The following ADAMTS6 variants were observed in gnomAD, a reference collection of about 807,000 sequenced individuals.
ADAMTS6 encodes the protein A disintegrin and metalloproteinase with thrombospondin motifs 6.
A neutral mutation model predicts 144.3 loss-of-function variants in ADAMTS6; 23 were observed. The observed-to-expected ratio is 0.16, with a 90% confidence interval of 0.11 to 0.23. ADAMTS6 has a LOEUF of 0.23. Ranked by LOEUF, ADAMTS6 falls within the 10% of genes least tolerant of loss-of-function variation. The probability of loss-of-function intolerance (pLI) is 1.00; values close to 1 mark genes in which losing one functional copy is unlikely to be tolerated. For missense variants in ADAMTS6, 999 were observed against 1,379.6 expected (o/e 0.72, Z 4.37); for synonymous variants, 444 against 457.5 (o/e 0.97, Z 0.38).
At chr5:65,160,110 T>C (rs1012678065) in intron 24 of ADAMTS6, among the ~76,000 whole-genome samples, 1 of 152,184 alleles carries the variant, frequency 6.6e-6, no homozygotes, top group Non-Finnish European at 1.5e-5. Context: ...ATTTAATTCA[T>C]AGAGATTCAA....
intron 8 of ADAMTS6, 41 bp downstream of exon 8, chr5:65,333,997 TAAAA>T (rs750637450): frequency 7.3e-3 from 6,113 of 835,166 alleles, no homozygotes; most frequent in East Asian, 0.018. Context: ...CTACCTTTAT[TAAAA>T]AAAAAAAAAA....
chr5:65,437,189 G>A (rs1190172808), intron 7 of ADAMTS6, among the ~76,000 whole-genome samples: 1 of 151,556 alleles, frequency 6.6e-6, no homozygotes, highest in Admixed American at 6.6e-5. Context: ...CCACCTCCCA[G>A]GTTCAAGCCA....
intron 21 of ADAMTS6, among the ~76,000 whole-genome samples, chr5:65,188,847 G>C (rs926761552): frequency 3.3e-5 from 5 of 152,148 alleles, no homozygotes; most frequent in African/African-American, 1.2e-4. Flanking sequence ...TCACATTGAG[G>C]CAGGTTCTCC....
intron 7 of ADAMTS6, among the ~76,000 whole-genome samples, chr5:65,410,415 T>C (rs559341287): frequency 6.6e-6 from 1 of 152,294 alleles, no homozygotes; most frequent in African/African-American, 2.4e-5. Context: ...AAGTAAAAAT[T>C]ATATATATTT....
chr5:65,279,681 T>A (rs1762839823), intron 11 of ADAMTS6, among the ~76,000 whole-genome samples: 1 of 152,188 alleles, frequency 6.6e-6, no homozygotes, highest in African/African-American at 2.4e-5. Flanking sequence ...GATTTCTATG[T>A]CTTTCTTTGA....
chr5:65,303,469 G>A (rs1217582253), intron 9 of ADAMTS6, among the ~76,000 whole-genome samples: 1 of 151,926 alleles, frequency 6.6e-6, no homozygotes, highest in Non-Finnish European at 1.5e-5. Flanking sequence ...ATCAAAATTT[G>A]TAATATGTAT....
intron 7 of ADAMTS6, among the ~76,000 whole-genome samples, chr5:65,421,787 T>G (rs7722891): frequency 0.18 from 26,811 of 152,086 alleles, 3,108 homozygotes; most frequent in African/African-American, 0.33. Flanking sequence ...GATCCATATC[T>G]CTCACTACAT....
intron 7 of ADAMTS6, among the ~76,000 whole-genome samples, chr5:65,348,090 T>C (rs1488351690): frequency 1.3e-5 from 2 of 152,008 alleles, no homozygotes; most frequent in Non-Finnish European, 2.9e-5. Context: ...TAAATTAGTA[T>C]TATGGAAAAC....
At chr5:65,346,775 A>G (rs962294290) in intron 7 of ADAMTS6, among the ~76,000 whole-genome samples, 1 of 151,896 alleles carries the variant, frequency 6.6e-6, no homozygotes, top group African/African-American at 2.4e-5. Flanking sequence ...TGTTGGAACT[A>G]ATACATAAAT....
intron 7 of ADAMTS6, among the ~76,000 whole-genome samples, chr5:65,408,942 T>C (rs1183493721): frequency 1.3e-5 from 2 of 152,172 alleles, no homozygotes; most frequent in East Asian, 1.9e-4. Flanking sequence ...AGATGTTCTT[T>C]GAAACCAATG....
intron 13 of ADAMTS6, among the ~76,000 whole-genome samples, chr5:65,262,021 C>T (rs1049884778): frequency 6.6e-6 from 1 of 152,020 alleles, no homozygotes; most frequent in Non-Finnish European, 1.5e-5. Flanking sequence ...GGTCCTCAAC[C>T]AGCGTTCTAG....
At chr5:65,477,561 G>GA (rs945994304) in intron 1 of ADAMTS6, among the ~76,000 whole-genome samples, 1 of 151,612 alleles carries the variant, frequency 6.6e-6, no homozygotes, top group Non-Finnish European at 1.5e-5. Context: ...GTAGCATTGA[G>GA]AAAAAAAAGT....
intron 20 of ADAMTS6, among the ~76,000 whole-genome samples, chr5:65,212,402 C>T (rs1195564398): frequency 6.7e-6 from 1 of 148,668 alleles, no homozygotes; most frequent in Non-Finnish European, 1.5e-5. Flanking sequence ...AAAGCTCTCC[C>T]TTCCAGAGGC....
At chr5:65,442,827 C>T (rs1194584168) in intron 7 of ADAMTS6, among the ~76,000 whole-genome samples, 2 of 152,144 alleles carry the variant, frequency 1.3e-5, no homozygotes, top group Non-Finnish European at 2.9e-5. Flanking sequence ...TGCTCTCCCT[C>T]CCCTTCCCCT....
intron 24 of ADAMTS6, among the ~76,000 whole-genome samples, chr5:65,153,968 G>A (rs1485158248): frequency 6.6e-6 from 1 of 152,172 alleles, no homozygotes; most frequent in Admixed American, 6.5e-5. Context: ...AGCACTTTGG[G>A]AGGCTGAGGT....
intron 7 of ADAMTS6, among the ~76,000 whole-genome samples, chr5:65,392,200 T>G (rs1304388890): frequency 6.6e-6 from 1 of 152,118 alleles, no homozygotes; most frequent in African/African-American, 2.4e-5. Context: ...TTGTATAAAC[T>G]TTTATCACCT....
At position 65,433,492 on chromosome 5, in the gene ADAMTS6, T is replaced by C. The variant is rs180891648; in HGVS notation, c.1073+17983A>G. 1.2e-3 allele frequency among the ~76,000 whole-genome samples: 177 copies of C among 152,318 alleles called. 1 individual carries two copies. The highest frequency in any genetic ancestry group is 4.0e-3 in the African/African-American group (168 of 41,568). On this transcript the variant is annotated intron_variant, in intron 7 of 24. Coordinates refer to ENST00000381055, the MANE Select transcript of ADAMTS6 (RefSeq NM_197941.4). ...TGAATAAATACTTGAATAATTAATA[T>C]AGTCCGAGTGACTACTTGGTTTTTC...
chr5:65,362,015 G>A (rs576188776), intron 7 of ADAMTS6, among the ~76,000 whole-genome samples: 3 of 152,264 alleles, frequency 2.0e-5, no homozygotes, highest in South Asian at 2.1e-4. Context: ...GATTACAGGC[G>A]AGAGCCACTG....
intron 24 of ADAMTS6, among the ~76,000 whole-genome samples, chr5:65,163,429 T>C (rs1324040982): frequency 6.6e-6 from 1 of 152,122 alleles, no homozygotes; most frequent in East Asian, 1.9e-4. Context: ...TTTGAAAGAG[T>C]AAATTATGTG....
Sources: allele counts gnomAD v4.1 joint callset (sites outside exome capture counted in the v4.1 genomes callset), GRCh38; gene constraint gnomAD v4.1.1; transcripts MANE v1.5; gene names NCBI Gene and HGNC (gene_info 2026-07-23, HGNC 2026-07-21).